Variants in HAAO observed in about 807,000 individuals in gnomAD.
HAAO encodes the protein 3-hydroxyanthranilate 3,4-dioxygenase.
In HAAO, 49 loss-of-function variants were observed where a neutral mutation model predicts 46.2. That is an observed-to-expected ratio of 1.06 (90% CI 0.84 to 1.34). The LOEUF (loss-of-function observed/expected upper bound fraction) is 1.34, where lower values mean the gene tolerates loss of function less well. Among genes scored for constraint, HAAO ranks in the 40% most tolerant of loss-of-function variants. The pLI, the probability that HAAO is intolerant of heterozygous loss-of-function variation, is 0.00. For missense variants in HAAO, 408 were observed against 364.5 expected (o/e 1.12, Z -0.97); for synonymous variants, 157 against 145.2 (o/e 1.08, Z -0.58).
intron 4 of HAAO, chr2:42,782,968 G>T (rs114599871): frequency 2.3e-6 from 1 of 429,928 alleles, no homozygotes; most frequent in Admixed American, 3.2e-5. Context: ...ACGGGCACAC[G>T]TCCTCAACCT....
At chr2:42,775,860 C>CT (rs1408068632) in intron 4 of HAAO, among the ~76,000 whole-genome samples, 1 of 67,488 alleles carries the variant, frequency 1.5e-5, no homozygotes, top group African/African-American at 8.3e-5. Flanking sequence ...ATTGTGTTAT[C>CT]CTTTTTTTTT....
chr2:42,786,766 G>A (rs374209836), intron 2 of HAAO, among the ~76,000 whole-genome samples: 1 of 152,172 alleles, frequency 6.6e-6, no homozygotes, highest in Admixed American at 6.5e-5. Flanking sequence ...GTGGGGAGCC[G>A]GGCCAGGGAG....
chr2:42,773,259 A>G (rs1210490357), intron 4 of HAAO, among the ~76,000 whole-genome samples: 1 of 152,244 alleles, frequency 6.6e-6, no homozygotes, highest in Non-Finnish European at 1.5e-5. Flanking sequence ...CGCTGGGAAG[A>G]TTCAATGAAT....
chr2:42,788,461 C>A, intron 2 of HAAO, 68 bp downstream of exon 2: 2 of 972,052 alleles, frequency 2.1e-6, no homozygotes, highest in Non-Finnish European at 3.4e-6. Flanking sequence ...GAGTGGGAAG[C>A]GCCCCCTCCC....
At chr2:42,784,650 C>A (rs1672264071) in intron 2 of HAAO, among the ~76,000 whole-genome samples, 1 of 152,126 alleles carries the variant, frequency 6.6e-6, no homozygotes, top group South Asian at 2.1e-4. Context: ...TTTCTCTCCA[C>A]CAGTCACACA....
rs184179464 is a variant in HAAO, at chr2:42,773,577, C to T, written c.351-2995G>A. Among the ~76,000 whole-genome samples, 41 of 150,754 alleles carry T rather than the reference C, an allele frequency of 2.7e-4. 1 individual carries two copies. In the East Asian group the frequency reaches 7.2e-3, roughly 26 times the overall value. ...CTGAGAACTGCTTAGGGCAAACCTACCCCCTATTTTTTTTTTTTTTTTTTT... is the reference window on the plus strand; with the variant it reads ...CTGAGAACTGCTTAGGGCAAACCTATCCCCTATTTTTTTTTTTTTTTTTTT... On this transcript the variant is annotated intron_variant, in intron 4 of 9. Coordinates refer to ENST00000294973, the MANE Select transcript of HAAO (RefSeq NM_012205.3).
chr2:42,770,285 C>CCA lies in HAAO; in HGVS notation c.441-101_441-100dup. 2.9e-6 allele frequency: 3 copies of CCA among 1,038,504 alleles called. No individual in the cohort carries two copies. In the South Asian group the frequency reaches 4.2e-5, roughly 15 times the overall value. The allele number at this position is 1,038,504 out of a possible 1,614,324, so 64.3% of individuals were successfully genotyped here. Reference sequence around the variant, plus strand: ...CACACTCACGGTCAGGTGCAGGTGCCCACACACACTCATGGGGCTCTCACA... The same window carrying CCA: ...CACACTCACGGTCAGGTGCAGGTGCCCACACACACACTCATGGGGCTCTCACA... On this transcript the variant is annotated intron_variant, in intron 5 of 9. Transcript: ENST00000294973.
rs72868863 is a variant in HAAO, at chr2:42,788,175, A to C, written c.159+354T>G. On this transcript the variant is annotated intron_variant, in intron 2 of 9. Transcript: ENST00000294973. ...GGGGGAGGATCTCATTTTGGAGACCAATTGAATCTGTCAAGTTTGTGGGGA... is the reference window on the plus strand; with the variant it reads ...GGGGGAGGATCTCATTTTGGAGACCCATTGAATCTGTCAAGTTTGTGGGGA... Among the ~76,000 whole-genome samples the C allele has an allele frequency of 5.0e-3, 756 of 152,268 alleles. 6 individuals are homozygous for C. Among genetic ancestry groups the C allele is most frequent in the African/African-American group, 0.017 (718 of 41,560 alleles).
chr2:42,792,533 C>G lies in HAAO; in HGVS notation c.4G>C (p.Glu2Gln). 6.4e-7 allele frequency: 1 copy of G among 1,574,600 alleles called. No individual in the cohort carries two copies. ...CAGGCCCTCACTCCCAGGCGGCGCT[C>G]CATGACTGTCCCGGGCGCCTCCTCG... M[E>Q]RRLGVRAWVK... is the part of the protein sequence containing the mutation. Residue 2 changes from glutamate to glutamine, a missense_variant, in exon 1 of 10, where the codon GAG becomes CAG. Coordinates refer to ENST00000294973, the MANE Select transcript of HAAO (RefSeq NM_012205.3).
intron 7 of HAAO, 109 bp downstream of exon 7, chr2:42,769,604 T>TGTGTGA (rs1670940742): frequency 1.4e-6 from 1 of 726,236 alleles, no homozygotes; most frequent in African/African-American, 2.7e-5. Flanking sequence ...TGTGTGTGTG[T>TGTGTGA]GAGTGTGTGT....
At chr2:42,791,996 CAAAGGAGCGGATT>C (rs1672841341) in intron 1 of HAAO, among the ~76,000 whole-genome samples, 1 of 152,088 alleles carries the variant, frequency 6.6e-6, no homozygotes, top group African/African-American at 2.4e-5. Flanking sequence ...AAGATCTTCC[CAAAGGAGCGGATT>C]CTCTGCCTCC....
intron 4 of HAAO, among the ~76,000 whole-genome samples, chr2:42,781,310 T>C (rs1421385533): frequency 6.6e-6 from 1 of 152,190 alleles, no homozygotes; most frequent in South Asian, 2.1e-4. Context: ...CTTTCCTTTA[T>C]TGGTTTATGG....
In HAAO at chr2:42,788,543, C is replaced by T. The variant is rs894789646; in HGVS notation, c.145G>A (p.Glu49Lys). 4.4e-6 allele frequency: 7 copies of T among 1,604,870 alleles called. No individual in the cohort carries two copies. The highest frequency in any genetic ancestry group is 2.2e-5 in the East Asian group (1 of 44,800). ...GPNTRKDYHIEEGEEVFYQLE... is the reference protein window; with the variant it reads ...GPNTRKDYHIKEGEEVFYQLE... ...GTCAAACCTACCTCTTCACCCTCTT[C>T]GATGTGATAGTCCTTCCTGGTGTTG... is the stretch of plus-strand genomic sequence containing the variant. Residue 49 changes from glutamate to lysine, a missense_variant, in exon 2 of 10, where the codon GAA becomes AAA. By Grantham distance (56) the Glu-to-Lys change is moderately conservative (BLOSUM62 1). Coordinates refer to ENST00000294973, the MANE Select transcript of HAAO (RefSeq NM_012205.3).
intron 1 of HAAO, among the ~76,000 whole-genome samples, chr2:42,790,723 G>T (rs1442812217): frequency 6.6e-6 from 1 of 151,956 alleles, no homozygotes; most frequent in Non-Finnish European, 1.5e-5. Context: ...GCAGAGACGG[G>T]GTTTCACCAT....
intron 2 of HAAO, among the ~76,000 whole-genome samples, chr2:42,785,256 G>C (rs1672302600): frequency 6.6e-6 from 1 of 152,182 alleles, no homozygotes; most frequent in Non-Finnish European, 1.5e-5. Context: ...TGGTAAGAAT[G>C]ACAAAAGTAA....
chr2:42,790,374 TGG>T (rs1281885708), intron 1 of HAAO, among the ~76,000 whole-genome samples: 3 of 151,528 alleles, frequency 2.0e-5, no homozygotes, highest in African/African-American at 7.3e-5. Context: ...GGAACTTGAC[TGG>T]GGAAGAGTGT....
chr2:42,767,374 G>C lies in HAAO; in HGVS notation c.*63C>G, dbSNP rs747462488. The C allele has an allele frequency of 8.8e-7, 1 of 1,136,426 alleles. No homozygotes were observed. The highest frequency in any genetic ancestry group is 1.5e-5 in the African/African-American group (1 of 66,064). The allele number at this position is 1,136,426 out of a possible 1,614,324, so 70.4% of individuals were successfully genotyped here. On this transcript the variant is annotated 3_prime_UTR_variant, in exon 10 of 10. Transcript: ENST00000294973. ...GTAGTGGGGGCTGGGAGAGTTGTTT[G>C]GCAGGGATGGCACTCGAGGGTGCTT...
chr2:42,783,031 C>T (rs1672125872), intron 4 of HAAO: 1 of 514,818 alleles, frequency 1.9e-6, no homozygotes, highest in South Asian at 2.1e-5. Flanking sequence ...TTTCAAGGTT[C>T]ACAACCTCAC....
At chr2:42,772,266 A>C (rs565365782) in intron 4 of HAAO, among the ~76,000 whole-genome samples, 223 of 152,158 alleles carry the variant, frequency 1.5e-3, no homozygotes, top group Non-Finnish European at 2.7e-3. Flanking sequence ...GGATCACCTG[A>C]GGTTGGCAGT....
Sources: gnomAD v4.1 joint callset for allele counts (sites outside exome capture counted in the v4.1 genomes callset) on GRCh38, gnomAD v4.1.1 for gene constraint, MANE v1.5 for transcripts, NCBI Gene and HGNC (gene_info 2026-07-23, HGNC 2026-07-21) for gene names.